Variants in NCKAP5 observed in about 807,000 individuals in gnomAD.
NCKAP5 encodes nck-associated protein 5.
In NCKAP5, 92 loss-of-function variants were observed where a neutral mutation model predicts 167.0. The ratio of observed to expected loss-of-function variants is 0.55; its 90% CI spans 0.47 to 0.66. The LOEUF (loss-of-function observed/expected upper bound fraction) is 0.66. NCKAP5 is among the 30% of genes least tolerant of loss of function. The pLI, the probability that NCKAP5 is intolerant of heterozygous loss-of-function variation, is 0.00. For synonymous variants in NCKAP5, 891 were observed against 877.4 expected, an observed-to-expected ratio of 1.02 and a Z score of -0.27; for missense variants, 2,378 against 2,315.0, an observed-to-expected ratio of 1.03 and a Z score of -0.56.
intron 3 of NCKAP5, among the ~76,000 whole-genome samples, chr2:133,311,255 A>T (rs1410098847): frequency 2.6e-5 from 4 of 152,210 alleles, no homozygotes; most frequent in Non-Finnish European, 5.9e-5. Flanking sequence ...CAGTTCACAG[A>T]ACTCAAGGAA....
chr2:133,279,561 T>G (rs1024609878), intron 4 of NCKAP5, among the ~76,000 whole-genome samples: 12 of 152,242 alleles, frequency 7.9e-5, no homozygotes, highest in East Asian at 3.8e-4. Flanking sequence ...TTACTAAGTT[T>G]CTGTTTTATC....
At chr2:133,251,609 T>A (rs2088339668) in intron 4 of NCKAP5, among the ~76,000 whole-genome samples, 2 of 152,168 alleles carry the variant, frequency 1.3e-5, no homozygotes, top group South Asian at 4.2e-4. Context: ...TCTATCAAAC[T>A]GTAACCTAAA....
chr2:133,087,020 A>G (rs1431049534), intron 6 of NCKAP5, among the ~76,000 whole-genome samples: 2 of 152,208 alleles, frequency 1.3e-5, no homozygotes, highest in Non-Finnish European at 2.9e-5. Flanking sequence ...AGCAGAAACC[A>G]AGGAGAATTC....
At chr2:133,499,598 C>T (rs545525659) in intron 3 of NCKAP5, among the ~76,000 whole-genome samples, 4 of 152,214 alleles carry the variant, frequency 2.6e-5, no homozygotes, top group East Asian at 3.9e-4. Flanking sequence ...CTAGCTCTGT[C>T]GCCCAGGTTG....
In NCKAP5 at chr2:132,717,349, TG is replaced by T. The variant is rs1689465640; in HGVS notation, c.5713+8277del. The stretch of plus-strand genomic sequence containing the variant: ...AACAATAGATTTCTCTGGGGCAACT[TG>T]GAGTGATTATAACGAGTTTGGATTT... On this transcript the variant is annotated intron_variant, in intron 19 of 19. Coordinates refer to ENST00000409261, the MANE Select transcript of NCKAP5 (RefSeq NM_207363.3). Among the ~76,000 whole-genome samples the T allele has an allele frequency of 2.6e-5, 4 of 152,340 alleles. No homozygotes were observed. In the South Asian group the frequency reaches 8.3e-4, roughly 32 times the overall value.
chr2:133,236,314 C>T (rs2087419368), intron 4 of NCKAP5, among the ~76,000 whole-genome samples: 1 of 152,164 alleles, frequency 6.6e-6, no homozygotes, highest in South Asian at 2.1e-4. Context: ...CTGTATTTTC[C>T]TTAGGAGCAA....
At chr2:133,126,901 T>C (rs999275115) in intron 6 of NCKAP5, among the ~76,000 whole-genome samples, 2 of 152,178 alleles carry the variant, frequency 1.3e-5, no homozygotes, top group Non-Finnish European at 2.9e-5. Flanking sequence ...ATCAGCCCTA[T>C]TGTAAATCTA....
intron 4 of NCKAP5, among the ~76,000 whole-genome samples, chr2:133,233,884 G>A (rs547869157): frequency 2.0e-5 from 3 of 152,176 alleles, no homozygotes; most frequent in South Asian, 2.1e-4. Context: ...CTACAGAGGC[G>A]ATTTCTTTGG....
At chr2:133,421,553 T>C (rs34005669) in intron 3 of NCKAP5, among the ~76,000 whole-genome samples, 1 of 152,144 alleles carries the variant, frequency 6.6e-6, no homozygotes, top group African/African-American at 2.4e-5. Flanking sequence ...CAGTCTGAGC[T>C]ATATACAAGT....
intron 5 of NCKAP5, among the ~76,000 whole-genome samples, chr2:133,164,729 T>C (rs753175210): frequency 6.6e-6 from 1 of 152,196 alleles, no homozygotes; most frequent in Non-Finnish European, 1.5e-5. Flanking sequence ...CTTAAACCCC[T>C]ATCCTTCAGT....
the NCKAP5 span, among the ~76,000 whole-genome samples, chr2:133,589,397 A>C: frequency 1.3e-5 from 2 of 152,192 alleles, no homozygotes; most frequent in African/African-American, 2.4e-5. Flanking sequence ...CAGGAGAAGC[A>C]GTTTCACGGG....
At chr2:133,392,599 A>G (rs1008476023) in intron 3 of NCKAP5, among the ~76,000 whole-genome samples, 1 of 152,204 alleles carries the variant, frequency 6.6e-6, no homozygotes, top group African/African-American at 2.4e-5. Flanking sequence ...ATATTTCACA[A>G]CCTAGAACAA....
At chr2:133,479,664 A>T (rs1293857470) in intron 3 of NCKAP5, among the ~76,000 whole-genome samples, 1 of 152,192 alleles carries the variant, frequency 6.6e-6, no homozygotes, top group Non-Finnish European at 1.5e-5. Context: ...ACTATCACAG[A>T]TCCATTTAGT....
At chr2:132,923,612 T>C (rs568087893) in intron 8 of NCKAP5, among the ~76,000 whole-genome samples, 1 of 152,272 alleles carries the variant, frequency 6.6e-6, no homozygotes, top group South Asian at 2.1e-4. Context: ...TAATGGGCTC[T>C]TTACAGAGAA....
At chr2:133,517,638 CTTTGTT>C in intron 2 of NCKAP5, 51 bp from the exon 3 acceptor site, 1 of 583,776 alleles carries the variant, frequency 1.7e-6, no homozygotes, top group Non-Finnish European at 2.7e-6. Flanking sequence ...GTGTTTAGAC[CTTTGTT>C]TTTAACTCTC....
intron 19 of NCKAP5, 108 bp from the exon 20 acceptor site, chr2:132,673,413 G>C: frequency 2.3e-6 from 2 of 885,268 alleles, no homozygotes; most frequent in East Asian, 6.3e-5. Context: ...AAGGGACAGA[G>C]AAAACCTACA....
intron 8 of NCKAP5, among the ~76,000 whole-genome samples, chr2:132,950,136 T>G (rs1181773586): frequency 6.6e-6 from 1 of 152,160 alleles, no homozygotes; most frequent in Non-Finnish European, 1.5e-5. Context: ...TACTTTAGTC[T>G]GTTCACTACA....
At chr2:132,880,132 C>G (rs1381126831) in intron 8 of NCKAP5, among the ~76,000 whole-genome samples, 1 of 152,106 alleles carries the variant, frequency 6.6e-6, no homozygotes, top group Non-Finnish European at 1.5e-5. Flanking sequence ...ATGATAGATA[C>G]TAGAGGCTGG....
chr2:132,676,311 T>G (rs1684478506), intron 19 of NCKAP5, among the ~76,000 whole-genome samples: 1 of 112,164 alleles, frequency 8.9e-6, no homozygotes. Context: ...TTTTTTTTTT[T>G]GCAGTGTCCT....
Sources: gnomAD v4.1 joint callset for allele counts (sites outside exome capture counted in the v4.1 genomes callset) on GRCh38, gnomAD v4.1.1 for gene constraint, MANE v1.5 for transcripts, NCBI Gene and HGNC (gene_info 2026-07-23, HGNC 2026-07-21) for gene names.